TMTC2: variants seen among roughly 807,000 people sequenced by gnomAD.
TMTC2 encodes the protein transmembrane O-mannosyltransferase targeting cadherins 2, also known as protein O-mannosyl-transferase TMTC2.
Under a neutral mutation model 82.4 loss-of-function variants are expected in TMTC2, and 43 were observed. That is an observed-to-expected ratio of 0.52 (90% CI 0.41 to 0.67). The LOEUF is 0.67. Among genes scored for constraint, TMTC2 ranks in the 30% least tolerant of loss-of-function variants. The pLI, the probability that TMTC2 is intolerant of heterozygous loss-of-function variation, is 0.00. For synonymous variants in TMTC2, 408 were observed against 381.9 expected (o/e 1.07, Z -0.80); for missense variants, 919 against 1,012.4 (o/e 0.91, Z 1.25).
intron 8 of TMTC2, among the ~76,000 whole-genome samples, chr12:82,991,284 G>A (rs1313982451): frequency 6.6e-6 from 1 of 151,800 alleles, no homozygotes; most frequent in African/African-American, 2.4e-5. Context: ...ATTGGAGATT[G>A]GAAAAATAAC....
chr12:82,922,114 A>T (rs1172192376), intron 3 of TMTC2, among the ~76,000 whole-genome samples: 2 of 152,146 alleles, frequency 1.3e-5, no homozygotes, highest in Admixed American at 6.6e-5. Context: ...TGGACTTTTA[A>T]AGCATTTGTA....
intron 7 of TMTC2, among the ~76,000 whole-genome samples, chr12:82,968,828 G>T (rs1878330332): frequency 6.6e-6 from 1 of 152,098 alleles, no homozygotes; most frequent in African/African-American, 2.4e-5. Context: ...TTAATCTTTT[G>T]TCTCATTTTC....
At chr12:83,064,213 A>C (rs1882842245) in intron 11 of TMTC2, among the ~76,000 whole-genome samples, 2 of 151,876 alleles carry the variant, frequency 1.3e-5, no homozygotes, top group South Asian at 4.1e-4. Context: ...TACCTGAGCT[A>C]TCTGACCTGA....
At chr12:83,022,658 C>T (rs1230485963) in intron 8 of TMTC2, among the ~76,000 whole-genome samples, 3 of 150,434 alleles carry the variant, frequency 2.0e-5, no homozygotes, top group East Asian at 4.2e-4. Flanking sequence ...TGACCATTAG[C>T]GTAGTACATT....
At chr12:82,916,908 T>G (rs528507892) in intron 3 of TMTC2, among the ~76,000 whole-genome samples, 14 of 152,336 alleles carry the variant, frequency 9.2e-5, no homozygotes, top group Middle Eastern at 3.4e-3. Flanking sequence ...TGATAACATA[T>G]GAATCATGAT....
intron 1 of TMTC2, among the ~76,000 whole-genome samples, chr12:82,741,058 A>G (rs571362347): frequency 2.0e-5 from 3 of 152,288 alleles, no homozygotes; most frequent in Admixed American, 6.5e-5. Flanking sequence ...ACAAGGGGTC[A>G]TGTACTTTAG....
intron 2 of TMTC2, among the ~76,000 whole-genome samples, chr12:82,877,016 T>C (rs1365603334): frequency 6.6e-6 from 1 of 152,122 alleles, no homozygotes; most frequent in Non-Finnish European, 1.5e-5. Flanking sequence ...TTTAAAAATA[T>C]GTCATAAAGA....
Position 82,948,767 on chromosome 12 carries a change from A to G in TMTC2, c.1599-16257A>G, listed in dbSNP as rs1253531979. On this transcript the variant is annotated intron_variant, in intron 4 of 11. Coordinates refer to ENST00000321196, the MANE Select transcript of TMTC2 (RefSeq NM_152588.3). ...CATCTCTAACCCAAATTATAACCAT[A>G]TCTGTGATGGAATCTTGCCGTGAAG... 2.0e-5 allele frequency among the ~76,000 whole-genome samples: 3 copies of G among 152,126 alleles called. No individual in the cohort carries two copies. The South Asian group carries it at 6.2e-4, about 31-fold the overall frequency.
At chr12:82,790,827 CAA>C (rs538804442) in intron 1 of TMTC2, among the ~76,000 whole-genome samples, 39 of 87,544 alleles carry the variant, frequency 4.5e-4, no homozygotes, top group Non-Finnish European at 5.7e-4. Flanking sequence ...AACTCTGTCT[CAA>C]AAAAAAAAAA....
At chr12:82,928,009 C>T (rs898047160) in intron 3 of TMTC2, among the ~76,000 whole-genome samples, 10 of 152,162 alleles carry the variant, frequency 6.6e-5, no homozygotes, top group Non-Finnish European at 2.9e-5. Flanking sequence ...CCCACAACAT[C>T]TCCAAGGTTT....
chr12:82,698,795 T>C (rs115644410), intron 1 of TMTC2, among the ~76,000 whole-genome samples: 373 of 152,260 alleles, frequency 2.4e-3, no homozygotes, highest in African/African-American at 8.3e-3. Context: ...TAAAAGTCAC[T>C]TGAACACAAA....
intron 1 of TMTC2, among the ~76,000 whole-genome samples, chr12:82,849,542 C>T (rs1458026470): frequency 6.6e-6 from 1 of 151,938 alleles, no homozygotes; most frequent in Non-Finnish European, 1.5e-5. Context: ...TCATGTACAA[C>T]CTTAATTTCA....
At chr12:82,765,711 A>G (rs193055632) in intron 1 of TMTC2, among the ~76,000 whole-genome samples, 3 of 148,280 alleles carry the variant, frequency 2.0e-5, no homozygotes, top group Admixed American at 2.0e-4. Context: ...ACAAACAAAC[A>G]AACAAAAAAA....
intron 11 of TMTC2, among the ~76,000 whole-genome samples, chr12:83,064,057 G>A (rs1451191852): frequency 6.6e-6 from 1 of 151,698 alleles, no homozygotes; most frequent in Non-Finnish European, 1.5e-5. Context: ...CACATTAATA[G>A]AATGCTGTGA....
intron 11 of TMTC2, among the ~76,000 whole-genome samples, chr12:83,068,180 A>G (rs1397244703): frequency 1.3e-5 from 2 of 152,122 alleles, no homozygotes; most frequent in African/African-American, 4.8e-5. Context: ...TATCATTTTT[A>G]TAGTGAATAT....
At chr12:82,810,112 A>G (rs1221378274) in intron 1 of TMTC2, among the ~76,000 whole-genome samples, 1 of 152,052 alleles carries the variant, frequency 6.6e-6, no homozygotes, top group African/African-American at 2.4e-5. Flanking sequence ...GAAATTGTTC[A>G]TGATTAGAAT....
chr12:83,027,596 G>A (rs1283999196), intron 8 of TMTC2, among the ~76,000 whole-genome samples: 1 of 152,154 alleles, frequency 6.6e-6, no homozygotes, highest in Non-Finnish European at 1.5e-5. Context: ...TTAAGTGACG[G>A]CTTACTGTAC....
At chr12:82,943,145 T>C (rs1320774417) in intron 4 of TMTC2, among the ~76,000 whole-genome samples, 1 of 152,186 alleles carries the variant, frequency 6.6e-6, no homozygotes, top group African/African-American at 2.4e-5. Context: ...TCGTTCATTA[T>C]ATTGTCATAG....
chr12:83,030,741 C>T, intron 8 of TMTC2, 57 bp from the exon 9 acceptor site: 2 of 1,315,772 alleles, frequency 1.5e-6, no homozygotes, highest in Non-Finnish European at 2.2e-6. Context: ...TAGGCCCAGG[C>T]AGTGAAGAAT....
Sources: gnomAD v4.1 joint callset for allele counts (sites outside exome capture counted in the v4.1 genomes callset) on GRCh38, gnomAD v4.1.1 for gene constraint, MANE v1.5 for transcripts, NCBI Gene and HGNC (gene_info 2026-07-23, HGNC 2026-07-21) for gene names.